LAMB1: variants seen among roughly 807,000 people sequenced by gnomAD.
LAMB1 encodes laminin subunit beta-1.
In LAMB1, 121 loss-of-function variants were observed where a neutral mutation model predicts 222.3. That is an observed-to-expected ratio of 0.54 (90% confidence interval 0.47 to 0.63). LAMB1 has a LOEUF of 0.63. Among genes scored for constraint, LAMB1 ranks in the 30% least tolerant of loss-of-function variants. The probability of loss-of-function intolerance (pLI) is 0.00; values close to 1 mark genes in which losing one functional copy is unlikely to be tolerated. For synonymous variants in LAMB1, 794 were observed against 807.2 expected (o/e 0.98, Z 0.28); for missense variants, 2,172 against 2,240.8 (o/e 0.97, Z 0.62).
rs966564097 is a variant in LAMB1 at position 107,960,652 on chromosome 7, G to A, written c.2110-3C>T. 6.2e-7 allele frequency: 1 copy of A among 1,613,648 alleles called. No individual in the cohort carries two copies. ...TTACAGTATGGCATGAGAACAAGCTGTGAAGAAATGAGAACGGCCAAACAT... is the reference window on the plus strand; with the variant it reads ...TTACAGTATGGCATGAGAACAAGCTATGAAGAAATGAGAACGGCCAAACAT... On this transcript the variant is annotated splice_region_variant and splice_polypyrimidine_tract_variant and intron_variant, in intron 17 of 33. Coordinates refer to ENST00000222399, the MANE Select transcript of LAMB1 (RefSeq NM_002291.3).
In LAMB1 at chr7:107,929,465, A is replaced by G; in HGVS notation, c.4692T>C (p.Ser1564=). ...LSQVEVILQH[S]AADIARAEML... ...TCTCAGCTCTGGCAATGTCAGCAGC[A>G]CTATGCTGAAGAATAACCTCTACTT... Residue 1564 remains serine (S), a synonymous_variant, in exon 30 of 34, where the codon AGT becomes AGC. Transcript: ENST00000222399. The G allele has an allele frequency of 6.2e-7, 1 of 1,614,140 alleles. No individual in the cohort carries two copies. Among genetic ancestry groups the G allele is most frequent in the Non-Finnish European group, 8.5e-7 (1 of 1,179,980 alleles).
intron 25 of LAMB1, among the ~76,000 whole-genome samples, chr7:107,937,537 A>T (rs2032876083): frequency 1.3e-5 from 2 of 152,212 alleles, no homozygotes; most frequent in South Asian, 2.1e-4. Flanking sequence ...CATTTAAGGG[A>T]TTCCAAATTT....
At chr7:107,965,839 C>T (rs1348701193) in intron 13 of LAMB1, among the ~76,000 whole-genome samples, 3 of 152,090 alleles carry the variant, frequency 2.0e-5, no homozygotes, top group East Asian at 3.9e-4. Flanking sequence ...CAGTGGCTCA[C>T]GTCTATAATC....
rs1223121868 is a variant in LAMB1, at chr7:108,001,542, C to T, written c.213+16G>A. 1.3e-6 allele frequency: 2 copies of T among 1,578,356 alleles called. No homozygotes were observed. Among genetic ancestry groups the T allele is most frequent in the African/African-American group, 2.7e-5 (2 of 74,402 alleles). ...GAGGCGCTAGCAGAGCCTCGAACCCCGCTCTCAGCCCTCACCTGCAAGTGG... is the reference window on the plus strand; with the variant it reads ...GAGGCGCTAGCAGAGCCTCGAACCCTGCTCTCAGCCCTCACCTGCAAGTGG... On this transcript the variant is annotated intron_variant, in intron 3 of 33. Coordinates refer to ENST00000222399, the MANE Select transcript of LAMB1 (RefSeq NM_002291.3).
intron 3 of LAMB1, among the ~76,000 whole-genome samples, chr7:108,000,590 C>G (rs891111347): frequency 6.6e-6 from 1 of 152,226 alleles, no homozygotes; most frequent in Non-Finnish European, 1.5e-5. Flanking sequence ...GTTGATCAAG[C>G]TGGAATGCAG....
In LAMB1 at chr7:107,935,518, T is replaced by A; in HGVS notation, c.4085A>T (p.Glu1362Val). The A allele has an allele frequency of 6.2e-7, 1 of 1,614,024 alleles. No homozygotes were observed. Among genetic ancestry groups the A allele is most frequent in the South Asian group, 1.1e-5 (1 of 91,064 alleles). Residue 1362 changes from glutamate (E) to valine (V), a missense_variant, in exon 27 of 34, where the codon GAG (glutamate) becomes GTG (valine). Physicochemically the swap from Glu to Val is moderately radical, Grantham distance 121 (BLOSUM62 -2). Coordinates refer to ENST00000222399, the MANE Select transcript of LAMB1 (RefSeq NM_002291.3). ...TTTTTCCTTGAACTGGGATTCTCGCTCCATCATCACGTCTTCTACTCTGTC... is the reference window on the plus strand; with the variant it reads ...TTTTTCCTTGAACTGGGATTCTCGCACCATCATCACGTCTTCTACTCTGTC... ...MRDRVEDVMM[E>V]RESQFKEKQE...
chr7:107,950,032 C>T (rs1054652006), intron 24 of LAMB1, among the ~76,000 whole-genome samples: 2 of 152,070 alleles, frequency 1.3e-5, no homozygotes, highest in Non-Finnish European at 2.9e-5. Context: ...GAGTTTGAGA[C>T]CAGCCTGACC....
chr7:107,933,870 C>CATTTGAAAGG (rs1562975635), intron 27 of LAMB1, among the ~76,000 whole-genome samples: 10 of 152,206 alleles, frequency 6.6e-5, no homozygotes, highest in African/African-American at 2.4e-4. Flanking sequence ...CCGAACCCCA[C>CATTTGAAAGG]CCACCGCCCA....
chr7:107,952,648 G>C (rs930663393), intron 22 of LAMB1, among the ~76,000 whole-genome samples: 2 of 152,278 alleles, frequency 1.3e-5, no homozygotes, highest in African/African-American at 4.8e-5. Flanking sequence ...AGCTACTAAG[G>C]CTTTTAAGGA....
chr7:107,930,923 CA>C (rs2032693588), intron 29 of LAMB1, among the ~76,000 whole-genome samples: 1 of 152,084 alleles, frequency 6.6e-6, no homozygotes, highest in Non-Finnish European at 1.5e-5. Flanking sequence ...AATTTGCAGC[CA>C]AAACCATCTT....
chr7:107,937,577 T>G (rs1484131155), intron 25 of LAMB1, among the ~76,000 whole-genome samples: 1 of 152,192 alleles, frequency 6.6e-6, no homozygotes, highest in Non-Finnish European at 1.5e-5. Context: ...GGTCAGAGTG[T>G]GGAGTTCTGG....
At chr7:107,970,487 T>TC (rs2033725014) in intron 13 of LAMB1, among the ~76,000 whole-genome samples, 2 of 26,376 alleles carry the variant, frequency 7.6e-5, no homozygotes, top group Admixed American at 5.3e-4. Context: ...AAACTCTGTC[T>TC]CAAAAAAAAA....
In LAMB1 at chr7:107,978,080, G is replaced by A. The variant is rs1236679194; in HGVS notation, c.967C>T (p.Pro323Ser). The A allele has an allele frequency of 6.2e-7, 1 of 1,614,130 alleles. No homozygotes were observed. Among genetic ancestry groups the A allele is most frequent in the Non-Finnish European group, 8.5e-7 (1 of 1,180,014 alleles). ...MDFYHDLPWR[P>S]AEGRNSNACK... ...GCGTTGCTGTTTCGGCCTTCAGCAG[G>A]TCTCCAAGGTAAATCATGGTAGAAA... The change falls in exon 9 of 34, where the codon CCT becomes TCT. Residue 323 changes from proline (P) to serine (S), a missense_variant. By Grantham distance (74) the Pro-to-Ser change is moderately conservative. Coordinates refer to ENST00000222399, the MANE Select transcript of LAMB1 (RefSeq NM_002291.3).
At chr7:108,001,168 T>C (rs765996392) in intron 3 of LAMB1, among the ~76,000 whole-genome samples, 16 of 152,314 alleles carry the variant, frequency 1.1e-4, no homozygotes, top group Admixed American at 5.2e-4. Flanking sequence ...GAATCCTCTT[T>C]ACCCAAGTGA....
In LAMB1 at chr7:107,952,036, A is replaced by G. The variant is rs1400634659; in HGVS notation, c.3267T>C (p.Ala1089=). The G allele has an allele frequency of 6.2e-7, 1 of 1,613,196 alleles. No homozygotes were observed. Among genetic ancestry groups the G allele is most frequent in the African/African-American group, 1.3e-5 (1 of 74,926 alleles). ...CATTGCAAGATGGCCCGAAGGAATG[A>G]GCAGCATTGCAGTTGCATGGGTCAC... ...TGCDPCNCNA[A]HSFGPSCNEF... is the part of the protein sequence containing the mutation. The change falls in exon 23 of 34, where the codon GCT becomes GCC. Residue 1089 remains alanine (A), a synonymous_variant. Coordinates refer to ENST00000222399, the MANE Select transcript of LAMB1 (RefSeq NM_002291.3).
intron 22 of LAMB1, among the ~76,000 whole-genome samples, chr7:107,953,299 G>A (rs1027719481): frequency 1.3e-5 from 2 of 151,332 alleles, no homozygotes; most frequent in Non-Finnish European, 2.9e-5. Flanking sequence ...AGAGGTTATA[G>A]TGAGCTGAGA....
intron 24 of LAMB1, among the ~76,000 whole-genome samples, chr7:107,942,946 G>T (rs1338704811): frequency 6.6e-6 from 1 of 152,028 alleles, no homozygotes. Flanking sequence ...TTTCCTTAGC[G>T]CCTGGGGTTT....
chr7:107,937,800 T>TCTTC (rs2032882687), intron 25 of LAMB1, among the ~76,000 whole-genome samples: 1 of 152,242 alleles, frequency 6.6e-6, no homozygotes, highest in South Asian at 2.1e-4. Flanking sequence ...TACACTCCTC[T>TCTTC]CTTCCGTCAG....
intron 8 of LAMB1, among the ~76,000 whole-genome samples, chr7:107,979,735 T>C (rs1015722472): frequency 6.6e-6 from 1 of 152,190 alleles, no homozygotes. Context: ...AGAAACCAAC[T>C]CCATTTGATC....
Sources: gnomAD v4.1 joint callset for allele counts (sites outside exome capture counted in the v4.1 genomes callset) on GRCh38, gnomAD v4.1.1 for gene constraint, MANE v1.5 for transcripts, NCBI Gene and HGNC (gene_info 2026-07-23, HGNC 2026-07-21) for gene names.